The following GRIA3 variants were observed in gnomAD, a reference collection of about 807,000 sequenced individuals.
GRIA3 encodes the protein glutamate receptor 3.
A neutral mutation model predicts 63.0 loss-of-function variants in GRIA3; 3 were observed. The ratio of observed to expected loss-of-function variants is 0.05; its 90% CI spans 0.02 to 0.12. The LOEUF (loss-of-function observed/expected upper bound fraction) is 0.12, where lower values mean the gene tolerates loss of function less well. Ranked by LOEUF, GRIA3 falls within the 10% of genes least tolerant of loss-of-function variation. The pLI is 1.00. For missense variants in GRIA3, 347 were observed against 700.9 expected, an observed-to-expected ratio of 0.50 and a Z score of 5.70; for synonymous variants, 274 against 257.9, an observed-to-expected ratio of 1.06 and a Z score of -0.60.
chrX:123,193,668 GC>G (rs1927500099), intron 2 of GRIA3, among the ~76,000 whole-genome samples: 3 of 111,905 alleles, frequency 2.7e-5, no homozygotes, highest in South Asian at 7.6e-4. Flanking sequence ...CAGAAAAATT[GC>G]CCCCCAACAG....
At chrX:123,325,819 C>T (rs926131634) in intron 3 of GRIA3, among the ~76,000 whole-genome samples, 6 of 111,204 alleles carry the variant, frequency 5.4e-5, no homozygotes, top group African/African-American at 2.0e-4. Context: ...ATGCGGGGTG[C>T]CCAAAAGTTG....
intron 5 of GRIA3, among the ~76,000 whole-genome samples, chrX:123,369,685 G>A (rs1387864175): frequency 8.9e-6 from 1 of 112,390 alleles, no homozygotes; most frequent in African/African-American, 3.2e-5. Flanking sequence ...AACTGTCTCC[G>A]AACTTCCTTC....
At chrX:123,409,660 G>A (rs911242680) in intron 10 of GRIA3, among the ~76,000 whole-genome samples, 1 of 111,930 alleles carries the variant, frequency 8.9e-6, no homozygotes, top group African/African-American at 3.2e-5. Context: ...AATACCATAT[G>A]TTTTGAGGGC....
intron 4 of GRIA3, among the ~76,000 whole-genome samples, chrX:123,339,281 G>T (rs1048182811): frequency 4.5e-5 from 5 of 111,919 alleles, no homozygotes; most frequent in African/African-American, 6.5e-5. Flanking sequence ...CTTCTCAACC[G>T]CATGAAAAAG....
intron 12 of GRIA3, among the ~76,000 whole-genome samples, chrX:123,458,322 C>G (rs1366599635): frequency 9.2e-6 from 1 of 109,024 alleles, no homozygotes; most frequent in African/African-American, 3.3e-5. Flanking sequence ...TCAGTACTCC[C>G]TACAATGGAG....
At chrX:123,407,922 T>C (rs2045484893) in intron 10 of GRIA3, among the ~76,000 whole-genome samples, 1 of 111,010 alleles carries the variant, frequency 9.0e-6, no homozygotes, top group Non-Finnish European at 1.9e-5. Context: ...AACAACAGCA[T>C]GGCAAGAAAT....
intron 10 of GRIA3, among the ~76,000 whole-genome samples, chrX:123,412,546 G>C (rs1236385951): frequency 9.0e-6 from 1 of 111,487 alleles, no homozygotes; most frequent in Non-Finnish European, 1.9e-5. Flanking sequence ...TAGAGGGCAA[G>C]GGCTTTGCCA....
At chrX:123,224,830 C>T (rs994182370) in intron 2 of GRIA3, among the ~76,000 whole-genome samples, 1 of 111,594 alleles carries the variant, frequency 9.0e-6, no homozygotes, top group Admixed American at 9.6e-5. Context: ...GCCGGGCTAG[C>T]TCATGGCTCA....
At chrX:123,350,385 G>GA (rs763938446) in intron 4 of GRIA3, among the ~76,000 whole-genome samples, 2 of 110,739 alleles carry the variant, frequency 1.8e-5, no homozygotes, top group South Asian at 3.9e-4. Flanking sequence ...ATCTAAGGGG[G>GA]AAAAAAACAT....
intron 2 of GRIA3, among the ~76,000 whole-genome samples, chrX:123,212,973 C>T (rs1327283984): frequency 1.8e-5 from 2 of 111,648 alleles, no homozygotes; most frequent in Non-Finnish European, 3.8e-5. Context: ...GCAGGTGAGC[C>T]ATGAGCTTGC....
intron 3 of GRIA3, among the ~76,000 whole-genome samples, chrX:123,306,468 G>T (rs967050691): frequency 2.0e-4 from 22 of 112,037 alleles, no homozygotes; most frequent in African/African-American, 6.2e-4. Context: ...TGGAAGCAGG[G>T]TTGATCTATT....
chrX:123,206,740 A>G (rs937365827), intron 2 of GRIA3, among the ~76,000 whole-genome samples: 2 of 111,618 alleles, frequency 1.8e-5, no homozygotes, highest in Non-Finnish European at 3.8e-5. Flanking sequence ...TTAGTGTTCC[A>G]GGGAATGGCA....
intron 12 of GRIA3, among the ~76,000 whole-genome samples, chrX:123,434,521 AG>A: frequency 8.9e-6 from 1 of 112,103 alleles, no homozygotes; most frequent in Non-Finnish European, 1.9e-5. Context: ...TTTAAAAAAA[AG>A]AAAACTGTCT....
intron 3 of GRIA3, among the ~76,000 whole-genome samples, chrX:123,322,988 G>GT (rs1324027838): frequency 2.7e-5 from 3 of 112,605 alleles, no homozygotes; most frequent in South Asian, 3.7e-4. Context: ...ATTTGTGGCA[G>GT]TATGCAGCCT....
At position 123,480,184 on chromosome X, in the gene GRIA3, C is replaced by T. The variant is rs377012834; in HGVS notation, c.2439+7C>T. 6 of 1,038,076 alleles carry T rather than the reference C, an allele frequency of 5.8e-6. No homozygotes were observed. The highest frequency in any genetic ancestry group is 6.1e-5 in the East Asian group (2 of 33,042). The allele number at this position is 1,038,076 out of a possible 1,213,427, so 85.5% of individuals were successfully genotyped here. On this transcript the variant is annotated splice_region_variant and intron_variant, in intron 14 of 15. Transcript: ENST00000620443. ...CAAGGACTCCGGGAGTAAGGTCAGT[C>T]GCTGAAGGTCTTTTTGTACTGATTA...
intron 12 of GRIA3, among the ~76,000 whole-genome samples, chrX:123,450,818 T>C (rs771214354): frequency 8.9e-6 from 1 of 112,217 alleles, no homozygotes; most frequent in African/African-American, 3.2e-5. Context: ...TCATCTTGGC[T>C]GATTGTGGAA....
chrX:123,477,605 C>T (rs1412836898), intron 13 of GRIA3, among the ~76,000 whole-genome samples: 1 of 111,717 alleles, frequency 9.0e-6, no homozygotes, highest in African/African-American at 3.3e-5. Context: ...TAGTTTTGAC[C>T]TCACAGATCT....
intron 3 of GRIA3, among the ~76,000 whole-genome samples, chrX:123,295,251 G>A (rs1180335288): frequency 9.0e-6 from 1 of 111,471 alleles, no homozygotes; most frequent in Non-Finnish European, 1.9e-5. Context: ...GTCTATAAAT[G>A]TTTGCTAGTT....
At chrX:123,231,020 G>T (rs761233238) in intron 2 of GRIA3, among the ~76,000 whole-genome samples, 41 of 112,379 alleles carry the variant, frequency 3.6e-4, no homozygotes, top group African/African-American at 1.3e-3. Context: ...GATAAGAGAA[G>T]TGAATTCTGC....
Sources: gnomAD v4.1 joint callset for allele counts (sites outside exome capture counted in the v4.1 genomes callset) on GRCh38, gnomAD v4.1.1 for gene constraint, MANE v1.5 for transcripts, NCBI Gene and HGNC (gene_info 2026-07-23, HGNC 2026-07-21) for gene names.